BICD1: variants seen among roughly 807,000 people sequenced by gnomAD.
The protein encoded by BICD1 is BICD cargo adaptor 1.
In BICD1, 35 loss-of-function variants were observed where a neutral mutation model predicts 92.5. The ratio of observed to expected loss-of-function variants is 0.38; its 90% CI spans 0.29 to 0.50. The LOEUF is 0.50. Ranked by LOEUF, BICD1 falls within the 20% of genes least tolerant of loss-of-function variation. BICD1 has a pLI of 0.93. For synonymous variants in BICD1, 429 were observed against 465.1 expected (o/e 0.92, Z 1.00); for missense variants, 950 against 1,189.8 (o/e 0.80, Z 2.97).
At chr12:32,299,989 T>C (rs1289000175) in intron 3 of BICD1, among the ~76,000 whole-genome samples, 1 of 152,196 alleles carries the variant, frequency 6.6e-6, no homozygotes, top group African/African-American at 2.4e-5. Context: ...ACTACCCAGC[T>C]CTGCTCTGGT....
intron 1 of BICD1, among the ~76,000 whole-genome samples, chr12:32,127,071 A>G (rs1272811428): frequency 6.6e-6 from 1 of 152,112 alleles, no homozygotes; most frequent in African/African-American, 2.4e-5. Context: ...AGTTATTTAG[A>G]TATGTTGGAA....
intron 8 of BICD1, chr12:32,340,385 T>G: frequency 1.0e-6 from 1 of 985,404 alleles, no homozygotes; most frequent in Non-Finnish European, 1.2e-6. Flanking sequence ...GGAAGGTACC[T>G]TGAAGTATTC....
In BICD1 at chr12:32,313,209, T is replaced by C. The variant is rs1051616462; in HGVS notation, c.1005+7087T>C. Reference sequence around the variant, plus strand: ...TAAAACTAAAATTAATATATTCTGTTGCATCCTCATGGATGTGGAAGAAAT... The same window carrying C: ...TAAAACTAAAATTAATATATTCTGTCGCATCCTCATGGATGTGGAAGAAAT... On this transcript the variant is annotated intron_variant, in intron 4 of 9. Coordinates refer to ENST00000652176, the MANE Select transcript of BICD1 (RefSeq NM_001714.4). The surrounding 1 kb of genome is among the most constrained non-coding windows in gnomAD (Gnocchi z 4.2). 4.6e-5 allele frequency among the ~76,000 whole-genome samples: 7 copies of C among 152,220 alleles called. No individual in the cohort carries two copies. The highest frequency in any genetic ancestry group is 1.0e-4 in the Non-Finnish European group (7 of 68,034).
In BICD1 at chr12:32,334,655, T is replaced by C. The variant is rs1324660893; in HGVS notation, c.2240T>C (p.Met747Thr). 2 of 1,610,516 alleles carry C rather than the reference T, an allele frequency of 1.2e-6. No individual in the cohort carries two copies. Among genetic ancestry groups the C allele is most frequent in the African/African-American group, 1.3e-5 (1 of 74,730 alleles). Residue 747 changes from methionine (M) to threonine (T), a missense_variant, in exon 6 of 10, where the codon ATG becomes ACG. Physicochemically the swap from Met to Thr is moderately conservative, Grantham distance 81. Coordinates refer to ENST00000652176, the MANE Select transcript of BICD1 (RefSeq NM_001714.4). ...GCAACCTTCTCATCCCTGAGAGCAATGTTTGCAACAAGGTAACAGTATTTT... is the reference window on the plus strand; with the variant it reads ...GCAACCTTCTCATCCCTGAGAGCAACGTTTGCAACAAGGTAACAGTATTTT... ...DAATFSSLRA[M>T]FATRCDEYVT...
At chr12:32,315,756 G>C (rs1245381756) in intron 4 of BICD1, among the ~76,000 whole-genome samples, 1 of 152,090 alleles carries the variant, frequency 6.6e-6, no homozygotes, top group Non-Finnish European at 1.5e-5. Context: ...ACCATACTTT[G>C]AGTACCTATA....
chr12:32,158,170 A>G lies in BICD1; in HGVS notation c.213+50626A>G, dbSNP rs557729548. Among the ~76,000 whole-genome samples the G allele has an allele frequency of 2.2e-4, 33 of 150,246 alleles. No homozygotes were observed. The East Asian group carries it at 5.1e-3, about 23-fold the overall frequency. On this transcript the variant is annotated intron_variant, in intron 1 of 9. Transcript: ENST00000652176. ...GCCCAGGCTGGAGTGCAGTGGTGCAATCTCAGCTCGCTGCAACCTCCGCCT... is the reference window on the plus strand; with the variant it reads ...GCCCAGGCTGGAGTGCAGTGGTGCAGTCTCAGCTCGCTGCAACCTCCGCCT...
intron 1 of BICD1, among the ~76,000 whole-genome samples, chr12:32,138,554 T>C (rs1592359487): frequency 6.6e-6 from 1 of 152,342 alleles, no homozygotes; most frequent in South Asian, 2.1e-4. Context: ...ATATAAACCA[T>C]ATTTTGGGTG....
chr12:32,290,676 C>T (rs1364343546), intron 2 of BICD1, among the ~76,000 whole-genome samples: 2 of 152,202 alleles, frequency 1.3e-5, no homozygotes, highest in Non-Finnish European at 2.9e-5. Flanking sequence ...CATCCTCCAC[C>T]TTTTTGATGT....
chr12:32,176,511 C>T (rs931676082), intron 1 of BICD1, among the ~76,000 whole-genome samples: 3 of 152,176 alleles, frequency 2.0e-5, no homozygotes, highest in Admixed American at 6.5e-5. Flanking sequence ...ACAACCACTG[C>T]GTCAATCAAG....
In BICD1 at chr12:32,337,780, C is replaced by G; in HGVS notation, c.2534C>G (p.Pro845Arg). Reference protein sequence around the residue: ...YLLHSQGPQTPNIRVSSGTQR... With the variant: ...YLLHSQGPQTRNIRVSSGTQR... The stretch of plus-strand genomic sequence containing the variant: ...CTGCATAGTCAGGGCCCACAGACAC[C>G]CAACATTCGGGTCAGCAGTGGCACT... The change falls in exon 7 of 10, where the codon CCC (proline) becomes CGC (arginine). Residue 845 changes from proline (P) to arginine (R), a missense_variant. Physicochemically the swap from Pro to Arg is moderately radical, Grantham distance 103. This residue lies in a region of BICD1 where 179 missense variants were observed against 186.7 expected (regional missense o/e 0.96). Coordinates refer to ENST00000652176, the MANE Select transcript of BICD1 (RefSeq NM_001714.4). This position sits in a 1 kb window ranked among gnomAD's most constrained non-coding sequence, Gnocchi z 4.7. 6.2e-7 allele frequency: 1 copy of G among 1,614,094 alleles called. No individual in the cohort carries two copies. The highest frequency in any genetic ancestry group is 8.5e-7 in the Non-Finnish European group (1 of 1,180,030).
intron 8 of BICD1, chr12:32,339,583 T>TCTTC (rs1938279799): frequency 2.0e-6 from 2 of 985,456 alleles, no homozygotes; most frequent in South Asian, 4.7e-5. Context: ...CATTTTTCTT[T>TCTTC]CTTCCTTCCT....
At chr12:32,351,487 C>CA (rs35002678) in intron 8 of BICD1, among the ~76,000 whole-genome samples, 2,740 of 57,052 alleles carry the variant, frequency 0.048, 212 homozygotes, top group East Asian at 0.27. Flanking sequence ...GACTCTGTCT[C>CA]AAAAAAAAAA....
chr12:32,117,759 T>TA (rs1491104946), intron 1 of BICD1, among the ~76,000 whole-genome samples: 235 of 71,660 alleles, frequency 3.3e-3, no homozygotes, highest in Non-Finnish European at 5.8e-3. Flanking sequence ...TATATATATA[T>TA]TTTTTTTTAA....
intron 1 of BICD1, among the ~76,000 whole-genome samples, chr12:32,112,664 C>A (rs1242196503): frequency 6.6e-6 from 1 of 151,998 alleles, no homozygotes; most frequent in African/African-American, 2.4e-5. Context: ...TAATTCATTA[C>A]GCTAAAGGAG....
At chr12:32,198,354 T>TA (rs1944795739) in intron 1 of BICD1, among the ~76,000 whole-genome samples, 1 of 41,456 alleles carries the variant, frequency 2.4e-5, no homozygotes, top group Non-Finnish European at 5.1e-5. Context: ...ATATATATAT[T>TA]CCAAAAATAT....
chr12:32,283,950 C>G (rs1325043683), intron 2 of BICD1, among the ~76,000 whole-genome samples: 1 of 152,222 alleles, frequency 6.6e-6, no homozygotes, highest in African/African-American at 2.4e-5. Flanking sequence ...GGCCGTGCAG[C>G]CAATAATGTC....
At position 32,117,715 on chromosome 12, in the gene BICD1, C is replaced by T. The variant is rs951871485; in HGVS notation, c.213+10171C>T. On this transcript the variant is annotated intron_variant, in intron 1 of 9. Transcript: ENST00000652176. ...ATATATATACACAAATATATATACACACACACACACACACACACACATATA... is the reference window on the plus strand; with the variant it reads ...ATATATATACACAAATATATATACATACACACACACACACACACACATATA... Among the ~76,000 whole-genome samples the T allele has an allele frequency of 9.8e-3, 719 of 73,562 alleles. 8 individuals carry two copies. The highest frequency in any genetic ancestry group is 0.027 in the African/African-American group (612 of 22,476). The allele number at this position is 73,562 out of a possible 152,430, so 48.3% of individuals were successfully genotyped here. A position where few individuals can be genotyped will look rare whatever the true frequency, so the allele number is the denominator to read the frequency against.
At chr12:32,246,645 A>G (rs1330340125) in intron 2 of BICD1, among the ~76,000 whole-genome samples, 1 of 152,152 alleles carries the variant, frequency 6.6e-6, no homozygotes, top group Non-Finnish European at 1.5e-5. Flanking sequence ...CTCAAAAAAA[A>G]TCATCTTTAC....
In BICD1 at chr12:32,334,513, T is replaced by C. The variant is rs1444413937; in HGVS notation, c.2101-3T>C. Reference sequence around the variant, plus strand: ...TTGTAAGCAGTGTGATTTTCTGCTTTAGACAGCTGAGGTGGCGCTAGCTAA... The same window carrying C: ...TTGTAAGCAGTGTGATTTTCTGCTTCAGACAGCTGAGGTGGCGCTAGCTAA... On this transcript the variant is annotated splice_region_variant and splice_polypyrimidine_tract_variant and intron_variant, in intron 5 of 9. Transcript: ENST00000652176. The C allele has an allele frequency of 4.4e-6, 7 of 1,605,376 alleles. No homozygotes were observed. The highest frequency in any genetic ancestry group is 5.1e-6 in the Non-Finnish European group (6 of 1,176,470).
Sources: allele counts gnomAD v4.1 joint callset (sites outside exome capture counted in the v4.1 genomes callset), GRCh38; gene constraint gnomAD v4.1.1; regional missense constraint gnomAD v4.1.1; non-coding constraint Gnocchi (gnomAD v3.1); transcripts MANE v1.5; gene names NCBI Gene and HGNC (gene_info 2026-07-23, HGNC 2026-07-21).